The following SPATA13 variants were observed in gnomAD, a reference collection of about 807,000 sequenced individuals.
The protein encoded by SPATA13 is spermatogenesis-associated protein 13.
A neutral mutation model predicts 104.0 loss-of-function variants in SPATA13; 50 were observed. That is an observed-to-expected ratio of 0.48 (90% CI 0.38 to 0.61). The LOEUF (loss-of-function observed/expected upper bound fraction) is 0.61. SPATA13 is among the 20% of genes least tolerant of loss of function. The probability of loss-of-function intolerance (pLI) is 0.00; values close to 1 mark genes in which losing one functional copy is unlikely to be tolerated. For synonymous variants in SPATA13, 606 were observed against 667.5 expected (o/e 0.91, Z 1.42); for missense variants, 1,524 against 1,690.6 (o/e 0.90, Z 1.73).
intron 4 of SPATA13, among the ~76,000 whole-genome samples, chr13:24,273,300 G>C (rs1489228094): frequency 6.6e-6 from 1 of 152,136 alleles, no homozygotes; most frequent in Non-Finnish European, 1.5e-5. Context: ...GGCTGCCCAG[G>C]GTGCAGGGCC....
intron 3 of SPATA13, among the ~76,000 whole-genome samples, chr13:24,069,079 T>C (rs1479469041): frequency 6.6e-6 from 1 of 152,234 alleles, no homozygotes; most frequent in African/African-American, 2.4e-5. Context: ...TTCTTCTTTT[T>C]GCTTAGGATT....
At chr13:24,282,166 G>A (rs1023997098) in intron 4 of SPATA13, among the ~76,000 whole-genome samples, 6 of 151,752 alleles carry the variant, frequency 4.0e-5, no homozygotes, top group African/African-American at 4.9e-5. Flanking sequence ...GCATGATGGT[G>A]GGGGGTGGGA....
intron 3 of SPATA13, among the ~76,000 whole-genome samples, 159 bp downstream of exon 3, chr13:24,250,001 C>A (rs1436758583): frequency 6.6e-6 from 1 of 152,212 alleles, no homozygotes; most frequent in Non-Finnish European, 1.5e-5. Context: ...TGAAAACATG[C>A]ATGAATTCAA....
At chr13:24,048,030 C>G (rs889242944) in intron 3 of SPATA13, among the ~76,000 whole-genome samples, 5 of 152,210 alleles carry the variant, frequency 3.3e-5, no homozygotes, top group Admixed American at 3.3e-4. Context: ...CTCCCTGATG[C>G]CTTTCTGTTC....
intron 2 of SPATA13, among the ~76,000 whole-genome samples, chr13:24,236,300 C>T (rs1221054972): frequency 6.6e-6 from 1 of 152,092 alleles, no homozygotes; most frequent in Non-Finnish European, 1.5e-5. Context: ...AACACAGCCC[C>T]ATTTAAAAAA....
chr13:24,195,373 T>G (rs902213753), intron 1 of SPATA13, among the ~76,000 whole-genome samples: 1 of 152,198 alleles, frequency 6.6e-6, no homozygotes, highest in South Asian at 2.1e-4. Context: ...ATTTGGTTCG[T>G]TTCCCCCTTT....
At position 24,073,420 on chromosome 13, in the gene SPATA13, A is replaced by G. The variant is rs190234166; in HGVS notation, c.-112+55719A>G. On this transcript the variant is annotated intron_variant, in intron 3 of 14. Coordinates refer to the SPATA13 transcript ENST00000424834. ...TTTGATACAATATAAATATCTGTCT[A>G]TACCTATCTGTCATATGTTAGAAAT... Among the ~76,000 whole-genome samples, 142 of 152,336 alleles carry G rather than the reference A, an allele frequency of 9.3e-4. No individual in the cohort carries two copies. In the Middle Eastern group the frequency reaches 0.017, roughly 18 times the overall value.
chr13:24,235,508 C>T (rs141741062), intron 2 of SPATA13, among the ~76,000 whole-genome samples: 1 of 152,284 alleles, frequency 6.6e-6, no homozygotes, highest in African/African-American at 2.4e-5. Context: ...GCCTATAATC[C>T]CAGCACTTTG....
chr13:23,992,941 A>G (rs74039546), intron 2 of SPATA13, among the ~76,000 whole-genome samples: 2,657 of 152,326 alleles, frequency 0.017, 30 homozygotes, highest in Middle Eastern at 0.037. Flanking sequence ...TCTGTTTACA[A>G]TGCAGCATGG....
intron 9 of SPATA13, among the ~76,000 whole-genome samples, chr13:24,292,048 G>T (rs1024109171): frequency 6.6e-6 from 1 of 152,074 alleles, no homozygotes; most frequent in Non-Finnish European, 1.5e-5. Flanking sequence ...GAGCCACCGC[G>T]CCCGGCCTCT....
At chr13:24,008,117 A>G (rs917943271) in intron 2 of SPATA13, among the ~76,000 whole-genome samples, 5 of 152,220 alleles carry the variant, frequency 3.3e-5, no homozygotes, top group African/African-American at 1.2e-4. Context: ...AGGAGGTTCA[A>G]GCTGGTGTGC....
intron 2 of SPATA13, among the ~76,000 whole-genome samples, chr13:24,238,061 A>G (rs1444409421): frequency 6.8e-6 from 1 of 146,696 alleles, no homozygotes; most frequent in Non-Finnish European, 1.5e-5. Context: ...GGTTAAGGGC[A>G]TGTTTCAAAT....
At chr13:24,156,311 T>C (rs1882255428), upstream of SPATA13, among the ~76,000 whole-genome samples, 2 of 152,182 alleles carry the variant, frequency 1.3e-5, no homozygotes, top group Non-Finnish European at 2.9e-5. Context: ...TATTCTCCTC[T>C]TTTGCCTGTA....
At chr13:24,164,830 A>AAGCTGG (rs1301042010) in intron 1 of SPATA13, among the ~76,000 whole-genome samples, 1 of 152,138 alleles carries the variant, frequency 6.6e-6, no homozygotes, top group Admixed American at 6.5e-5. Flanking sequence ...TGCTGAGCTG[A>AAGCTGG]AGGTGAAGCT....
At chr13:24,290,583 A>G (rs1177280391) in intron 8 of SPATA13, 69 bp from the exon 9 acceptor site, 2 of 1,169,222 alleles carry the variant, frequency 1.7e-6, no homozygotes, top group African/African-American at 3.0e-5. Context: ...GAGGGCTGGG[A>G]TGATGCCTGT....
At chr13:24,028,247 G>A (rs567069789) in intron 3 of SPATA13, among the ~76,000 whole-genome samples, 2 of 152,106 alleles carry the variant, frequency 1.3e-5, no homozygotes, top group South Asian at 4.2e-4. Context: ...TTTTGCATTT[G>A]AGCTAATTTA....
chr13:24,271,041 A>ACTCTCT lies in SPATA13; in HGVS notation c.2165-13082_2165-13077dup, dbSNP rs71928912. The ACTCTCT allele has an allele frequency of 4.2e-3, 2,012 of 481,556 alleles. 8 individuals carry two copies. Among genetic ancestry groups the ACTCTCT allele is most frequent in the African/African-American group, 0.021 (802 of 37,834 alleles). The allele number at this position is 481,556 out of a possible 1,614,324, so 29.8% of individuals were successfully genotyped here. On this transcript the variant is annotated intron_variant, in intron 4 of 12. Transcript: ENST00000382108. ...CTCTCACTCTCTCTCTCTCTCTCTCACTCTCTCTCTCTCTCTCACTCTCTC... is the reference window on the plus strand; with the variant it reads ...CTCTCACTCTCTCTCTCTCTCTCTCACTCTCTCTCTCTCTCTCTCTCTCACTCTCTC...
chr13:24,100,391 T>C (rs1880218908), intron 3 of SPATA13, among the ~76,000 whole-genome samples: 1 of 152,238 alleles, frequency 6.6e-6, no homozygotes, highest in Non-Finnish European at 1.5e-5. Context: ...GCAGATGAGT[T>C]TACTTCTTAA....
At chr13:24,002,236 A>C (rs1490260783) in intron 2 of SPATA13, among the ~76,000 whole-genome samples, 1 of 152,052 alleles carries the variant, frequency 6.6e-6, no homozygotes, top group African/African-American at 2.4e-5. Context: ...TCAATAGCTC[A>C]CTGTAACACT....
Sources: allele counts gnomAD v4.1 joint callset (sites outside exome capture counted in the v4.1 genomes callset), GRCh38; gene constraint gnomAD v4.1.1; transcripts MANE v1.5; gene names NCBI Gene and HGNC (gene_info 2026-07-23, HGNC 2026-07-21).